DPYD: variants seen among roughly 807,000 people sequenced by gnomAD.
The protein encoded by DPYD is dihydropyrimidine dehydrogenase.
DPYD carries 109 observed loss-of-function variants against 116.2 expected under a neutral mutation model. The observed-to-expected ratio is 0.94, with a 90% CI of 0.80 to 1.10. The LOEUF is 1.10. Ranked by LOEUF, DPYD falls within the 50% of genes least tolerant of loss-of-function variation. DPYD has a pLI of 0.00. For synonymous variants in DPYD, 440 were observed against 432.0 expected (o/e 1.02, Z -0.23); for missense variants, 1,302 against 1,254.5 (o/e 1.04, Z -0.57).
chr1:97,485,882 T>A (rs1322891082), intron 13 of DPYD, among the ~76,000 whole-genome samples: 2 of 152,204 alleles, frequency 1.3e-5, no homozygotes, highest in South Asian at 2.1e-4. Flanking sequence ...AATCTCCTGA[T>A]ATGTTTGTCA....
chr1:97,625,208 C>A (rs1034763067), intron 8 of DPYD, among the ~76,000 whole-genome samples: 2 of 151,968 alleles, frequency 1.3e-5, no homozygotes, highest in Non-Finnish European at 2.9e-5. Flanking sequence ...ATAACATCAT[C>A]TTATGCCTCA....
chr1:97,153,588 G>A (rs933179023), intron 20 of DPYD, among the ~76,000 whole-genome samples: 14 of 151,984 alleles, frequency 9.2e-5, no homozygotes, highest in Non-Finnish European at 2.1e-4. Context: ...CATTGGCTTA[G>A]GCAAAGACTT....
chr1:97,690,473 G>A (rs1415246006), intron 7 of DPYD, among the ~76,000 whole-genome samples: 1 of 151,448 alleles, frequency 6.6e-6, no homozygotes. Flanking sequence ...ATATTTATGG[G>A]GTGATACATG....
At chr1:97,612,442 A>G (rs1269247442) in intron 8 of DPYD, among the ~76,000 whole-genome samples, 3 of 152,040 alleles carry the variant, frequency 2.0e-5, no homozygotes, top group African/African-American at 7.2e-5. Context: ...ACTGTACTCA[A>G]ATGAAGGGGT....
At chr1:97,244,386 C>A (rs990161606) in intron 18 of DPYD, among the ~76,000 whole-genome samples, 1 of 151,904 alleles carries the variant, frequency 6.6e-6, no homozygotes, top group African/African-American at 2.4e-5. Flanking sequence ...AACAATTACC[C>A]GACAACACAG....
intron 5 of DPYD, among the ~76,000 whole-genome samples, chr1:97,702,583 G>A (rs988166631): frequency 1.1e-4 from 17 of 151,878 alleles, no homozygotes; most frequent in African/African-American, 3.9e-4. Flanking sequence ...TTTTACAATG[G>A]AAGCAGATTT....
chr1:97,593,543 G>T (rs549424783), intron 9 of DPYD, among the ~76,000 whole-genome samples, 156 bp from the exon 10 acceptor site: 1 of 152,298 alleles, frequency 6.6e-6, no homozygotes, highest in South Asian at 2.1e-4. Context: ...TTGAAAGACA[G>T]TTTTATTCCC....
At chr1:97,401,645 T>C (rs965501891) in intron 14 of DPYD, among the ~76,000 whole-genome samples, 1 of 152,216 alleles carries the variant, frequency 6.6e-6, no homozygotes, top group East Asian at 1.9e-4. Context: ...ACCCAGCGTA[T>C]CAATAATTTC....
Position 97,549,735 on chromosome 1 carries a change from G to C in DPYD, c.1349C>G (p.Ala450Gly), listed in dbSNP as rs72975710. The C allele has an allele frequency of 1.7e-5, 27 of 1,613,278 alleles. No individual in the cohort carries two copies. Among genetic ancestry groups the C allele is most frequent in the South Asian group, 3.3e-5 (3 of 91,048 alleles). ...SVLSDPKVKE[A>G]LSPIKFNRWG... ...TCTGTTAAATTTTATAGGGCTCAAG[G>C]CTTCTTTTACTGAAAAAACAAGTGA... is the stretch of plus-strand genomic sequence containing the variant. Residue 450 changes from alanine (A) to glycine (G), a missense_variant, in exon 12 of 23, where the codon GCC becomes GGC. Transcript: ENST00000370192.
intron 20 of DPYD, among the ~76,000 whole-genome samples, chr1:97,168,705 A>C (rs1408309382): frequency 6.6e-6 from 1 of 152,156 alleles, no homozygotes; most frequent in Non-Finnish European, 1.5e-5. Context: ...GATATATTCT[A>C]GATGACCAAA....
chr1:97,133,670 C>T (rs1030658160), intron 20 of DPYD, among the ~76,000 whole-genome samples: 2 of 151,846 alleles, frequency 1.3e-5, no homozygotes, highest in Admixed American at 6.6e-5. Flanking sequence ...TTCTATGATA[C>T]ACATTGACCT....
intron 13 of DPYD, among the ~76,000 whole-genome samples, chr1:97,481,107 A>G (rs1678269329): frequency 6.6e-6 from 1 of 152,250 alleles, no homozygotes; most frequent in African/African-American, 2.4e-5. Flanking sequence ...CAAATAATTC[A>G]ATAGAAATGT....
At chr1:97,829,904 C>A (rs1669443832) in intron 2 of DPYD, among the ~76,000 whole-genome samples, 1 of 151,922 alleles carries the variant, frequency 6.6e-6, no homozygotes, top group South Asian at 2.1e-4. Context: ...CCTCAGCCCC[C>A]CACCCCCAGA....
chr1:97,151,375 G>A lies in DPYD; in HGVS notation c.2622+41694C>T, dbSNP rs188922273. ...AAATCAAGAATCAGAAAGATTATCT[G>A]GGGCTGGGTGCAGTGGGGCTGGGTG... On this transcript the variant is annotated intron_variant, in intron 20 of 22. Coordinates refer to ENST00000370192, the MANE Select transcript of DPYD (RefSeq NM_000110.4). Among the ~76,000 whole-genome samples, 16 of 152,144 alleles carry A rather than the reference G, an allele frequency of 1.1e-4. 1 individual carries two copies. Among genetic ancestry groups the A allele is most frequent in the Admixed American group, 8.5e-4 (13 of 15,270 alleles).
At chr1:97,751,452 G>A (rs1368223544) in intron 3 of DPYD, among the ~76,000 whole-genome samples, 150 of 33,100 alleles carry the variant, frequency 4.5e-3, no homozygotes, top group South Asian at 0.013. Flanking sequence ...GTGTGTGTGT[G>A]TGTGTGTGTA....
chr1:97,386,524 T>C (rs1312974753), intron 14 of DPYD, among the ~76,000 whole-genome samples: 3 of 152,144 alleles, frequency 2.0e-5, no homozygotes, highest in Non-Finnish European at 4.4e-5. Flanking sequence ...AATACCACAC[T>C]TTGGCTTAAG....
At chr1:97,911,397 T>A (rs1044574060) in intron 1 of DPYD, among the ~76,000 whole-genome samples, 1 of 152,126 alleles carries the variant, frequency 6.6e-6, no homozygotes, top group East Asian at 1.9e-4. Flanking sequence ...GCCTTAAGCA[T>A]ACCAATGTCT....
intron 3 of DPYD, among the ~76,000 whole-genome samples, chr1:97,752,955 T>G (rs769318877): frequency 3.3e-5 from 5 of 152,176 alleles, no homozygotes; most frequent in Admixed American, 3.3e-4. Context: ...ATAATCCAGT[T>G]TTTGTACAGT....
intron 20 of DPYD, among the ~76,000 whole-genome samples, chr1:97,173,893 T>C (rs1657065306): frequency 6.7e-6 from 1 of 149,232 alleles, no homozygotes; most frequent in African/African-American, 2.5e-5. Flanking sequence ...AGAATGAAAG[T>C]ACAGTTTTGA....
Sources: gnomAD v4.1 joint callset for allele counts (sites outside exome capture counted in the v4.1 genomes callset) on GRCh38, gnomAD v4.1.1 for gene constraint, MANE v1.5 for transcripts, NCBI Gene and HGNC (gene_info 2026-07-23, HGNC 2026-07-21) for gene names.